The following SPECC1L variants were observed in gnomAD, a reference collection of about 807,000 sequenced individuals.
The protein encoded by SPECC1L is sperm antigen with calponin homology and coiled-coil domains 1 like, also known as cytospin-A.
Under a neutral mutation model 116.8 loss-of-function variants are expected in SPECC1L, and 40 were observed. The observed-to-expected ratio is 0.34, with a 90% CI of 0.27 to 0.45. The LOEUF (loss-of-function observed/expected upper bound fraction) is 0.45. Ranked by LOEUF, SPECC1L falls within the 20% of genes least tolerant of loss-of-function variation. The probability of loss-of-function intolerance (pLI) is 1.00; values close to 1 mark genes in which losing one functional copy is unlikely to be tolerated. For synonymous variants in SPECC1L, 504 were observed against 500.6 expected (o/e 1.01, Z -0.09); for missense variants, 1,110 against 1,373.6 (o/e 0.81, Z 3.03).
At chr22:24,283,994 A>T (rs2048994867) in intron 2 of SPECC1L, among the ~76,000 whole-genome samples, 1 of 151,896 alleles carries the variant, frequency 6.6e-6, no homozygotes, top group Non-Finnish European at 1.5e-5. Context: ...CTTTTTTATG[A>T]GTGTGGCTAG....
chr22:24,317,669 C>G (rs1416883454), intron 4 of SPECC1L, among the ~76,000 whole-genome samples: 110 of 152,230 alleles, frequency 7.2e-4, no homozygotes, highest in Middle Eastern at 3.4e-3. Flanking sequence ...GCTGACCCCC[C>G]CATCTCCCTC....
At chr22:24,344,592 CAAAAAAAAA>C (rs35725042) in intron 10 of SPECC1L, among the ~76,000 whole-genome samples, 2 of 117,946 alleles carry the variant, frequency 1.7e-5, no homozygotes, top group East Asian at 2.4e-4. Context: ...TGCATAAGAC[CAAAAAAAAA>C]AAAAAAAAAG....
intron 4 of SPECC1L, among the ~76,000 whole-genome samples, chr22:24,320,531 A>G (rs552155099): frequency 2.0e-5 from 3 of 152,264 alleles, no homozygotes; most frequent in Admixed American, 1.3e-4. Flanking sequence ...TGGCTCATCT[A>G]TTTATTACCT....
At chr22:24,359,662 A>G (rs998704849) in intron 11 of SPECC1L, among the ~76,000 whole-genome samples, 2 of 151,624 alleles carry the variant, frequency 1.3e-5, no homozygotes, top group African/African-American at 2.4e-5. Context: ...CCTCTGGCCT[A>G]CCTTTGAAGG....
At chr22:24,335,437 CT>C (rs2041032922) in intron 9 of SPECC1L, among the ~76,000 whole-genome samples, 1 of 152,198 alleles carries the variant, frequency 6.6e-6, no homozygotes, top group African/African-American at 2.4e-5. Flanking sequence ...CTGAATCAAG[CT>C]GGGCTTTCTT....
rs572327401 is a variant in SPECC1L, at chr22:24,288,857, CT to C, written c.-38+12056del. ...GTCAGGCTGGTCTTGAACTCCTGAC[CT>C]TGTGATCCGCCTGCCTTGGCCTCCC... On this transcript the variant is annotated intron_variant, in intron 2 of 16. Coordinates refer to ENST00000314328, the MANE Select transcript of SPECC1L (RefSeq NM_015330.6). Among the ~76,000 whole-genome samples the C allele has an allele frequency of 3.7e-4, 57 of 152,254 alleles. 3 individuals are homozygous for C. In the South Asian group the frequency reaches 0.011, roughly 30 times the overall value.
chr22:24,324,493 TTTAG>T lies in SPECC1L; in HGVS notation c.2146+68_2146+71del, dbSNP rs1445990241. 2.4e-5 allele frequency: 35 copies of T among 1,451,480 alleles called. No homozygotes were observed. The Admixed American group carries it at 6.2e-4, about 26-fold the overall frequency. 89.9% of individuals were successfully genotyped at this position (1,451,480 alleles called of 1,614,324 possible). On this transcript the variant is annotated intron_variant, in intron 6 of 16. Coordinates refer to ENST00000314328, the MANE Select transcript of SPECC1L (RefSeq NM_015330.6). ...TTTAAACATGCGGGGATAATTTGCA[TTTAG>T]TAATAAAATAGGGCTGGGCACGGTG...
At chr22:24,274,166 C>G (rs1235299047) in intron 1 of SPECC1L, among the ~76,000 whole-genome samples, 1 of 152,190 alleles carries the variant, frequency 6.6e-6, no homozygotes, top group East Asian at 1.9e-4. Flanking sequence ...TAAAGAACCC[C>G]CATGGGGTTT....
intron 6 of SPECC1L, among the ~76,000 whole-genome samples, chr22:24,327,282 A>AC (rs1193568525): frequency 7.0e-6 from 1 of 142,730 alleles, no homozygotes; most frequent in African/African-American, 2.9e-5. Flanking sequence ...CGTCTCAAAA[A>AC]AAAAAAAAAA....
At chr22:24,282,194 C>T (rs1311313532) in intron 2 of SPECC1L, among the ~76,000 whole-genome samples, 4 of 152,204 alleles carry the variant, frequency 2.6e-5, no homozygotes, top group African/African-American at 9.7e-5. Flanking sequence ...CAAAATTTCT[C>T]AAGCACTGAT....
In SPECC1L at chr22:24,356,687, TACC is replaced by T. The variant is rs1225099099; in HGVS notation, c.2744-6570_2744-6568del. 4.6e-5 allele frequency among the ~76,000 whole-genome samples: 7 copies of T among 152,312 alleles called. No individual in the cohort carries two copies. In the South Asian group the frequency reaches 1.2e-3, roughly 27 times the overall value. Reference sequence around the variant, plus strand: ...TTATTATTATGGTTAGATTAAAATCTACCACCTTGTCGTGTTTTGTATTTGACC... The same window carrying T: ...TTATTATTATGGTTAGATTAAAATCTACCTTGTCGTGTTTTGTATTTGACC... On this transcript the variant is annotated intron_variant, in intron 11 of 16. Coordinates refer to ENST00000314328, the MANE Select transcript of SPECC1L (RefSeq NM_015330.6).
At chr22:24,372,003 G>A (rs527243403) in intron 14 of SPECC1L, among the ~76,000 whole-genome samples, 8 of 152,148 alleles carry the variant, frequency 5.3e-5, no homozygotes, top group Non-Finnish European at 1.2e-4. Context: ...TTACAAGCAT[G>A]AGCCACCGCG....
chr22:24,335,995 T>C (rs915257288), intron 9 of SPECC1L, among the ~76,000 whole-genome samples: 3 of 152,102 alleles, frequency 2.0e-5, no homozygotes, highest in Non-Finnish European at 4.4e-5. Context: ...TGTATACATA[T>C]GTATACATAT....
At position 24,415,890 on chromosome 22, in the gene SPECC1L, T is replaced by G. The variant is rs138152663; in HGVS notation, c.*1267T>G. On this transcript the variant is annotated 3_prime_UTR_variant, in exon 17 of 17. Transcript: ENST00000314328. ...TCAGGCCAGAACTCAACAGCTATTT[T>G]TGGGAATAGGGATCTCCCGTGTGCC... 6.6e-6 allele frequency: 1 copy of G among 152,358 alleles called. No individual in the cohort carries two copies. The highest frequency in any genetic ancestry group is 1.9e-4 in the East Asian group (1 of 5,184). 9.4% of individuals were successfully genotyped at this position (152,358 alleles called of 1,614,324 possible). A position where few individuals can be genotyped will look rare whatever the true frequency, so the allele number is the denominator to read the frequency against.
chr22:24,412,548 G>A (rs2042719842), intron 15 of SPECC1L, 100 bp from the exon 16 acceptor site: 16 of 1,064,582 alleles, frequency 1.5e-5, no homozygotes, highest in Non-Finnish European at 2.3e-5. Context: ...GTAGAGGTGA[G>A]TGTCGTCCTT....
rs1029319894 is a variant in SPECC1L at position 24,302,132 on chromosome 22, A to C, written c.-37-63A>C. 9 of 1,293,622 alleles carry C rather than the reference A, an allele frequency of 7.0e-6. No individual in the cohort carries two copies. In the African/African-American group the frequency reaches 1.3e-4, roughly 19 times the overall value. The allele number at this position is 1,293,622 out of a possible 1,614,324, so 80.1% of individuals were successfully genotyped here. On this transcript the variant is annotated intron_variant, in intron 2 of 16. Coordinates refer to ENST00000314328, the MANE Select transcript of SPECC1L (RefSeq NM_015330.6). Reference sequence around the variant, plus strand: ...TATCACATGGTAAAATTCTTCGAAAACAAATTTCTAAAGCGCTTCCTTCCA... The same window carrying C: ...TATCACATGGTAAAATTCTTCGAAACCAAATTTCTAAAGCGCTTCCTTCCA...
chr22:24,401,716 A>G (rs2042478163), intron 14 of SPECC1L, among the ~76,000 whole-genome samples: 1 of 152,168 alleles, frequency 6.6e-6, no homozygotes, highest in Non-Finnish European at 1.5e-5. Context: ...GTACCACCCC[A>G]TTGTACTTAA....
At chr22:24,336,958 A>C (rs1339326402) in intron 9 of SPECC1L, among the ~76,000 whole-genome samples, 1 of 152,196 alleles carries the variant, frequency 6.6e-6, no homozygotes, top group Non-Finnish European at 1.5e-5. Context: ...GCTTCATGTT[A>C]GATGATTTTG....
intron 14 of SPECC1L, among the ~76,000 whole-genome samples, chr22:24,406,151 A>G (rs1437354110): frequency 6.6e-6 from 1 of 152,170 alleles, no homozygotes; most frequent in African/African-American, 2.4e-5. Context: ...AGGCAGATTC[A>G]CCTGTTGCCA....
Sources: allele counts gnomAD v4.1 joint callset (sites outside exome capture counted in the v4.1 genomes callset), GRCh38; gene constraint gnomAD v4.1.1; transcripts MANE v1.5; gene names NCBI Gene and HGNC (gene_info 2026-07-23, HGNC 2026-07-21).